The following SNTG2 variants were observed in gnomAD, a reference collection of about 807,000 sequenced individuals.
SNTG2 encodes the protein gamma-2-syntrophin.
Under a neutral mutation model 70.9 loss-of-function variants are expected in SNTG2, and 74 were observed. The observed-to-expected ratio is 1.04, with a 90% CI of 0.86 to 1.27. SNTG2 has a LOEUF of 1.27. SNTG2 is among the 50% of genes most tolerant of loss of function. SNTG2 has a pLI of 0.00. For synonymous variants in SNTG2, 278 were observed against 273.8 expected (o/e 1.02, Z -0.15); for missense variants, 717 against 690.7 (o/e 1.04, Z -0.43).
chr2:1,061,710 C>T (rs553985567), intron 1 of SNTG2, among the ~76,000 whole-genome samples: 22 of 152,174 alleles, frequency 1.4e-4, no homozygotes, highest in Non-Finnish European at 3.1e-4. Flanking sequence ...CCAAGCCAGG[C>T]ATCTCATGTC....
intron 16 of SNTG2, among the ~76,000 whole-genome samples, chr2:1,325,517 C>G (rs1017958584): frequency 6.6e-6 from 1 of 152,216 alleles, no homozygotes; most frequent in African/African-American, 2.4e-5. Flanking sequence ...ATGAACACAT[C>G]AGTTTTGGTT....
chr2:1,307,369 G>A lies in SNTG2; in HGVS notation c.1285-1125G>A, dbSNP rs142211104. 2.4e-3 allele frequency among the ~76,000 whole-genome samples: 363 copies of A among 149,696 alleles called. 1 individual carries two copies. The highest frequency in any genetic ancestry group is 8.2e-3 in the African/African-American group (334 of 40,590). On this transcript the variant is annotated intron_variant, in intron 14 of 16. Transcript: ENST00000308624. ...AGCCATGCACTCTGTATGTGTGTGTGTATATATGGTGTTAGCGGTGCACTG... is the reference window on the plus strand; with the variant it reads ...AGCCATGCACTCTGTATGTGTGTGTATATATATGGTGTTAGCGGTGCACTG...
chr2:1,195,153 G>A (rs1003367881), intron 8 of SNTG2, among the ~76,000 whole-genome samples: 1 of 152,150 alleles, frequency 6.6e-6, no homozygotes, highest in African/African-American at 2.4e-5. Context: ...TTGGTTCCAA[G>A]TCTTTGCTAT....
At chr2:1,168,186 A>G (rs1304329827) in intron 7 of SNTG2, among the ~76,000 whole-genome samples, 3 of 124,552 alleles carry the variant, frequency 2.4e-5, no homozygotes, top group Admixed American at 8.1e-5. Flanking sequence ...GAAGCCTAGA[A>G]GCTGCCCACA....
At chr2:1,031,007 G>A (rs1660785051) in intron 1 of SNTG2, among the ~76,000 whole-genome samples, 1 of 152,192 alleles carries the variant, frequency 6.6e-6, no homozygotes, top group Admixed American at 6.5e-5. Context: ...AGGTTCTTAA[G>A]TAAAAACACC....
At chr2:1,328,842 CAT>C (rs1286842473) in intron 16 of SNTG2, among the ~76,000 whole-genome samples, 1 of 151,988 alleles carries the variant, frequency 6.6e-6, no homozygotes, top group African/African-American at 2.4e-5. Context: ...CACACATACA[CAT>C]ACACACACAG....
chr2:1,000,554 C>T (rs1661832054), intron 1 of SNTG2, among the ~76,000 whole-genome samples: 1 of 151,616 alleles, frequency 6.6e-6, no homozygotes, highest in Non-Finnish European at 1.5e-5. Flanking sequence ...AATATACAAC[C>T]TCTCAATATT....
intron 8 of SNTG2, among the ~76,000 whole-genome samples, chr2:1,185,394 ACT>A (rs1284149436): frequency 6.6e-6 from 1 of 151,954 alleles, no homozygotes; most frequent in East Asian, 1.9e-4. Flanking sequence ...CCCAGTAGAG[ACT>A]CTGTGTGGGA....
chr2:1,288,445 T>C (rs750800458), intron 14 of SNTG2, among the ~76,000 whole-genome samples: 3 of 152,166 alleles, frequency 2.0e-5, no homozygotes, highest in Non-Finnish European at 4.4e-5. Context: ...TCCTCCAAGA[T>C]GGTCCACTTC....
intron 4 of SNTG2, among the ~76,000 whole-genome samples, chr2:1,129,912 TA>T (rs1667916756): frequency 6.6e-6 from 1 of 152,192 alleles, no homozygotes; most frequent in African/African-American, 2.4e-5. Flanking sequence ...ATATATAAAA[TA>T]TTTGAAGGTG....
intron 1 of SNTG2, among the ~76,000 whole-genome samples, chr2:1,030,028 T>C (rs986909680): frequency 2.0e-5 from 3 of 152,052 alleles, no homozygotes; most frequent in African/African-American, 7.3e-5. Flanking sequence ...GCATGCTGCC[T>C]CCTTCATCTC....
At chr2:1,325,006 G>A (rs1681701857) in intron 16 of SNTG2, among the ~76,000 whole-genome samples, 1 of 152,200 alleles carries the variant, frequency 6.6e-6, no homozygotes, top group African/African-American at 2.4e-5. Context: ...CTTGCCGCAA[G>A]GTCAGGAATC....
intron 1 of SNTG2, among the ~76,000 whole-genome samples, chr2:1,065,745 C>G (rs1466353221): frequency 6.6e-6 from 1 of 152,044 alleles, no homozygotes; most frequent in Non-Finnish European, 1.5e-5. Flanking sequence ...TGTCGTTTAG[C>G]TAAATGGCCA....
At chr2:1,165,895 C>G (rs1332323904) in intron 7 of SNTG2, among the ~76,000 whole-genome samples, 3 of 152,160 alleles carry the variant, frequency 2.0e-5, no homozygotes, top group African/African-American at 7.2e-5. Flanking sequence ...ACTACATGCT[C>G]GTTCCTTCAT....
chr2:1,198,620 T>A (rs1048199553), intron 8 of SNTG2, among the ~76,000 whole-genome samples: 34 of 152,108 alleles, frequency 2.2e-4, no homozygotes, highest in African/African-American at 6.5e-4. Flanking sequence ...TAATAAAAGT[T>A]TTTTAGTAAG....
chr2:1,273,181 G>A (rs1048107729), intron 14 of SNTG2, among the ~76,000 whole-genome samples: 4 of 152,090 alleles, frequency 2.6e-5, no homozygotes, highest in Middle Eastern at 3.2e-3. Context: ...AGCTCCCTTG[G>A]TAGGAGCATT....
At chr2:1,298,905 C>A (rs1680332486) in intron 14 of SNTG2, among the ~76,000 whole-genome samples, 1 of 152,168 alleles carries the variant, frequency 6.6e-6, no homozygotes. Context: ...TCCCAGCCTA[C>A]ATCTTTCTCC....
At chr2:1,132,983 A>G (rs1312061099) in intron 4 of SNTG2, among the ~76,000 whole-genome samples, 1 of 152,218 alleles carries the variant, frequency 6.6e-6, no homozygotes, top group East Asian at 1.9e-4. Flanking sequence ...AAGTCGTACC[A>G]TATGTCTTCT....
chr2:966,710 G>A (rs1218162117), intron 1 of SNTG2, among the ~76,000 whole-genome samples: 4 of 152,198 alleles, frequency 2.6e-5, no homozygotes, highest in Non-Finnish European at 5.9e-5. Flanking sequence ...ACTTTGGGAG[G>A]CTGAGGTGGG....
Sources: gnomAD v4.1 joint callset for allele counts (sites outside exome capture counted in the v4.1 genomes callset) on GRCh38, gnomAD v4.1.1 for gene constraint, MANE v1.5 for transcripts, NCBI Gene and HGNC (gene_info 2026-07-23, HGNC 2026-07-21) for gene names.